NELL1: variants seen among roughly 807,000 people sequenced by gnomAD.
NELL1 encodes protein kinase C-binding protein NELL1.
In NELL1, 76 loss-of-function variants were observed where a neutral mutation model predicts 107.4. That is an observed-to-expected ratio of 0.71 (90% CI 0.59 to 0.86). The LOEUF is 0.86. NELL1 is among the 40% of genes least tolerant of loss of function. NELL1 has a pLI of 0.00. For missense variants in NELL1, 1,024 were observed against 1,005.5 expected (o/e 1.02, Z -0.25); for synonymous variants, 353 against 341.2 (o/e 1.03, Z -0.38).
chr11:21,279,860 G>A (rs1457416684), intron 14 of NELL1, among the ~76,000 whole-genome samples: 1 of 152,104 alleles, frequency 6.6e-6, no homozygotes. Context: ...GTTACATCTA[G>A]ACAATGGAAT....
intron 2 of NELL1, among the ~76,000 whole-genome samples, chr11:20,707,620 T>A (rs1254472838): frequency 6.6e-6 from 1 of 152,158 alleles, no homozygotes; most frequent in Non-Finnish European, 1.5e-5. Flanking sequence ...TCTGTTGGAG[T>A]TTGCTGGAGG....
At chr11:21,182,259 C>A (rs1856843522) in intron 13 of NELL1, among the ~76,000 whole-genome samples, 1 of 151,610 alleles carries the variant, frequency 6.6e-6, no homozygotes, top group Admixed American at 6.6e-5. Context: ...CATAGCGAAA[C>A]CCCGTCTCTA....
intron 13 of NELL1, among the ~76,000 whole-genome samples, chr11:21,154,626 TTAAA>T (rs1856191033): frequency 6.6e-6 from 1 of 152,040 alleles, no homozygotes; most frequent in Non-Finnish European, 1.5e-5. Context: ...GACAAGTTTC[TTAAA>T]TAGTCATGAA....
At chr11:21,329,100 G>A (rs531583749) in intron 14 of NELL1, among the ~76,000 whole-genome samples, 2 of 152,214 alleles carry the variant, frequency 1.3e-5, no homozygotes, top group South Asian at 4.2e-4. Flanking sequence ...AGATTTGGGA[G>A]GGTCCAGAAG....
At chr11:21,508,216 G>A (rs12574030) in intron 15 of NELL1, among the ~76,000 whole-genome samples, 43,926 of 151,862 alleles carry the variant, frequency 0.29, 6,890 homozygotes, top group East Asian at 0.57. Flanking sequence ...TACAACAAAT[G>A]TTTCTGAAAA....
chr11:21,131,922 C>T (rs1855627588), intron 13 of NELL1, among the ~76,000 whole-genome samples: 1 of 152,160 alleles, frequency 6.6e-6, no homozygotes, highest in African/African-American at 2.4e-5. Flanking sequence ...ATCAAAGAAC[C>T]TTCCTTTGCA....
chr11:20,992,546 C>G (rs886913040), intron 12 of NELL1, among the ~76,000 whole-genome samples: 3 of 152,078 alleles, frequency 2.0e-5, no homozygotes. Context: ...ATTTATAAGT[C>G]TGTAGCCTTG....
chr11:20,763,248 A>G (rs1026660787), intron 2 of NELL1, among the ~76,000 whole-genome samples: 2 of 152,138 alleles, frequency 1.3e-5, no homozygotes, highest in African/African-American at 4.8e-5. Context: ...CTATTTGAGA[A>G]GCGTGGTAAG....
intron 14 of NELL1, among the ~76,000 whole-genome samples, chr11:21,322,167 C>T (rs952616928): frequency 2.6e-5 from 4 of 152,180 alleles, no homozygotes; most frequent in Admixed American, 2.0e-4. Context: ...TCAGAACAAT[C>T]CCTTTCCAAT....
intron 5 of NELL1, among the ~76,000 whole-genome samples, chr11:20,904,245 T>C (rs935879754): frequency 1.4e-4 from 21 of 150,746 alleles, no homozygotes; most frequent in African/African-American, 2.4e-5. Context: ...GTGGCAGGCA[T>C]TGATTTATTG....
intron 4 of NELL1, among the ~76,000 whole-genome samples, chr11:20,870,195 G>T (rs1268358364): frequency 2.0e-5 from 3 of 152,166 alleles, no homozygotes; most frequent in African/African-American, 4.8e-5. Flanking sequence ...AAAAGGAAAT[G>T]ATTTGTCTAA....
intron 15 of NELL1, among the ~76,000 whole-genome samples, chr11:21,478,811 G>A (rs1590963459): frequency 1.4e-5 from 2 of 140,858 alleles, no homozygotes; most frequent in South Asian, 2.3e-4. Flanking sequence ...TAAATAAATA[G>A]AATATATAGG....
chr11:21,140,986 A>G (rs951313085), intron 13 of NELL1, among the ~76,000 whole-genome samples: 9 of 152,220 alleles, frequency 5.9e-5, no homozygotes, highest in Non-Finnish European at 4.4e-5. Context: ...TTATTTTTAT[A>G]GACCCTGCAA....
At chr11:21,533,971 C>G (rs1856062594) in intron 15 of NELL1, among the ~76,000 whole-genome samples, 1 of 152,080 alleles carries the variant, frequency 6.6e-6, no homozygotes, top group Admixed American at 6.6e-5. Context: ...GTGTCCTGAA[C>G]TTATTTGTTC....
At chr11:21,114,017 A>G (rs952523262) in intron 13 of NELL1, among the ~76,000 whole-genome samples, 2 of 152,046 alleles carry the variant, frequency 1.3e-5, no homozygotes, top group Admixed American at 6.6e-5. Flanking sequence ...TTCTAAAAAT[A>G]GAAAGTATCA....
intron 15 of NELL1, among the ~76,000 whole-genome samples, chr11:21,502,421 C>T (rs58972140): frequency 0.087 from 13,203 of 152,186 alleles, 854 homozygotes; most frequent in East Asian, 0.29. Context: ...TTGGTGTTTG[C>T]ATTTATTACA....
chr11:20,856,766 C>T lies in NELL1; in HGVS notation c.506+9013C>T, dbSNP rs564356306. Among the ~76,000 whole-genome samples, 58 of 152,322 alleles carry T rather than the reference C, an allele frequency of 3.8e-4. No individual in the cohort carries two copies. In the South Asian group the frequency reaches 9.3e-3, roughly 24 times the overall value. On this transcript the variant is annotated intron_variant, in intron 4 of 19. Coordinates refer to ENST00000357134, the MANE Select transcript of NELL1 (RefSeq NM_006157.5). ...TTTTAGCCTCAGAAGCATAACACCA[C>T]GCTAAGGAAAATGTAGAATTTTTGC...
intron 2 of NELL1, 72 bp downstream of exon 2, chr11:20,678,132 T>C (rs937132103): frequency 3.2e-6 from 5 of 1,552,500 alleles, no homozygotes; most frequent in Admixed American, 1.7e-5. Flanking sequence ...TGCTCATTTG[T>C]TGTGTGTTTG....
chr11:21,495,520 A>T lies in NELL1; in HGVS notation c.1646-38854A>T, dbSNP rs78391831. Among the ~76,000 whole-genome samples the T allele has an allele frequency of 3.0e-3, 452 of 152,256 alleles. 14 individuals are homozygous for T. In the East Asian group the frequency reaches 0.075, roughly 25 times the overall value. On this transcript the variant is annotated intron_variant, in intron 15 of 19. Transcript: ENST00000357134. ...ATTTGTAATTCTCTTGGGTGTGTATACTTAGGAGTGGGATTGATGGATCAT... is the reference window on the plus strand; with the variant it reads ...ATTTGTAATTCTCTTGGGTGTGTATTCTTAGGAGTGGGATTGATGGATCAT...
Sources: allele counts gnomAD v4.1 joint callset (sites outside exome capture counted in the v4.1 genomes callset), GRCh38; gene constraint gnomAD v4.1.1; transcripts MANE v1.5; gene names NCBI Gene and HGNC (gene_info 2026-07-23, HGNC 2026-07-21).